Variants in MAGI2 observed in about 807,000 individuals in gnomAD.
The protein encoded by MAGI2 is membrane associated guanylate kinase, WW and PDZ domain containing 2.
Under a neutral mutation model 133.3 loss-of-function variants are expected in MAGI2, and 35 were observed. The ratio of observed to expected loss-of-function variants is 0.26; its 90% CI spans 0.20 to 0.35. MAGI2 has a LOEUF of 0.35. Among genes scored for constraint, MAGI2 ranks in the 10% least tolerant of loss-of-function variants. The probability of loss-of-function intolerance (pLI) is 1.00; values close to 1 mark genes in which losing one functional copy is unlikely to be tolerated. For missense variants in MAGI2, 1,636 were observed against 1,863.4 expected (o/e 0.88, Z 2.25); for synonymous variants, 729 against 710.6 (o/e 1.03, Z -0.41).
rs17151146 is a variant in MAGI2 at position 78,612,168 on chromosome 7, T to C, written c.538+14952A>G. On this transcript the variant is annotated intron_variant, in intron 3 of 21. Coordinates refer to ENST00000354212, the MANE Select transcript of MAGI2 (RefSeq NM_012301.4). ...AATAGAAGAGTTATAAACATTTACA[T>C]GAAACATGAAAAGCAAAAAAATGTT... Among the ~76,000 whole-genome samples, 428 of 152,242 alleles carry C rather than the reference T, an allele frequency of 2.8e-3. 14 individuals are homozygous for C. In the East Asian group the frequency reaches 0.077, roughly 27 times the overall value.
At chr7:78,796,857 T>A (rs1480751194) in intron 2 of MAGI2, among the ~76,000 whole-genome samples, 3 of 152,110 alleles carry the variant, frequency 2.0e-5, no homozygotes, top group Admixed American at 1.3e-4. Flanking sequence ...GTCACTGTGT[T>A]TAAGTAAAAT....
At chr7:78,387,761 T>C (rs1252576393) in intron 6 of MAGI2, among the ~76,000 whole-genome samples, 3 of 152,008 alleles carry the variant, frequency 2.0e-5, no homozygotes, top group African/African-American at 7.2e-5. Context: ...ACCCCATCTC[T>C]ATAAAAAATA....
intron 2 of MAGI2, among the ~76,000 whole-genome samples, chr7:79,002,314 A>G (rs1286565935): frequency 1.3e-5 from 2 of 151,152 alleles, no homozygotes; most frequent in African/African-American, 2.4e-5. Context: ...TTGTAGAGAT[A>G]GTGTTTTCTT....
chr7:78,605,402 A>T (rs899117459), intron 3 of MAGI2, among the ~76,000 whole-genome samples: 1 of 152,296 alleles, frequency 6.6e-6, no homozygotes, highest in Middle Eastern at 3.4e-3. Context: ...ATGACCTCTT[A>T]AAGAGAAATA....
intron 2 of MAGI2, among the ~76,000 whole-genome samples, chr7:78,630,075 C>T (rs1040404385): frequency 1.3e-5 from 2 of 152,044 alleles, no homozygotes. Context: ...AGCAGACCCT[C>T]ATCACCACCC....
chr7:78,606,594 T>G (rs77036579), intron 3 of MAGI2, among the ~76,000 whole-genome samples: 6,861 of 152,182 alleles, frequency 0.045, 215 homozygotes, highest in East Asian at 0.081. Flanking sequence ...GAAAATGCTA[T>G]TTGTGTATAT....
At chr7:79,343,471 T>A (rs1175825465) in intron 1 of MAGI2, 1 of 152,016 alleles carries the variant, frequency 6.6e-6, no homozygotes, top group African/African-American at 2.4e-5. Context: ...TGCATCTAAG[T>A]GGAGGAATAT....
At chr7:78,816,746 T>C (rs552193188) in intron 2 of MAGI2, among the ~76,000 whole-genome samples, 1 of 152,196 alleles carries the variant, frequency 6.6e-6, no homozygotes, top group East Asian at 1.9e-4. Context: ...AAAAAAAGAT[T>C]CCTTTCAAAA....
intron 21 of MAGI2, among the ~76,000 whole-genome samples, chr7:78,047,226 C>G (rs1011360189): frequency 6.6e-6 from 1 of 152,102 alleles, no homozygotes; most frequent in Admixed American, 6.5e-5. Context: ...TAAATTCTCC[C>G]TTGAAGGCAA....
Position 79,214,360 on chromosome 7 carries a change from CCTCTCTCTCTCTCTCT to C in MAGI2, c.302-207170_302-207155del, listed in dbSNP as rs71531163. On this transcript the variant is annotated intron_variant, in intron 1 of 21. Transcript: ENST00000354212. ...GGACATGTCATTTCTGCATTACGCA[CCTCTCTCTCTCTCTCT>C]CTCTCTCTCTCTCTCTCTCTCTCTC... 2.9e-3 allele frequency among the ~76,000 whole-genome samples: 79 copies of C among 27,552 alleles called. 1 individual carries two copies. Among genetic ancestry groups the C allele is most frequent in the Admixed American group, 7.5e-3 (12 of 1,610 alleles). The allele number at this position is 27,552 out of a possible 152,430, so 18.1% of individuals were successfully genotyped here. A position where few individuals can be genotyped will look rare whatever the true frequency, so the allele number is the denominator to read the frequency against.
chr7:78,043,631 C>T (rs138593731), intron 21 of MAGI2, among the ~76,000 whole-genome samples: 27 of 152,272 alleles, frequency 1.8e-4, no homozygotes, highest in South Asian at 8.3e-4. Context: ...TTGAATGAGT[C>T]GAGCGAGTCA....
At chr7:79,157,810 C>A (rs1823932635) in intron 1 of MAGI2, among the ~76,000 whole-genome samples, 1 of 145,070 alleles carries the variant, frequency 6.9e-6, no homozygotes, top group Non-Finnish European at 1.5e-5. Context: ...TCTACTGTTG[C>A]TTTTCTACTG....
chr7:79,387,902 A>G (rs977642815), intron 1 of MAGI2, among the ~76,000 whole-genome samples: 1 of 151,968 alleles, frequency 6.6e-6, no homozygotes, highest in Non-Finnish European at 1.5e-5. Context: ...ATTGATTTAA[A>G]CGACCTGATT....
intron 9 of MAGI2, among the ~76,000 whole-genome samples, chr7:78,321,568 T>A (rs960583139): frequency 2.0e-5 from 3 of 152,208 alleles, no homozygotes; most frequent in Admixed American, 2.0e-4. Flanking sequence ...GCTAGCCATA[T>A]GCAGGAAACT....
chr7:78,500,824 C>CACCCCTG (rs1794555244), intron 5 of MAGI2, among the ~76,000 whole-genome samples: 1 of 152,166 alleles, frequency 6.6e-6, no homozygotes, highest in African/African-American at 2.4e-5. Flanking sequence ...CGCAGTGGCT[C>CACCCCTG]ACCCCTGTAA....
intron 1 of MAGI2, among the ~76,000 whole-genome samples, chr7:79,296,659 G>A (rs1056297925): frequency 3.0e-4 from 46 of 152,258 alleles, no homozygotes; most frequent in African/African-American, 1.1e-3. Flanking sequence ...ATCCTGAAAA[G>A]GATATGTGGA....
chr7:78,607,058 A>T (rs1805891408), intron 3 of MAGI2, among the ~76,000 whole-genome samples: 1 of 152,176 alleles, frequency 6.6e-6, no homozygotes, highest in Non-Finnish European at 1.5e-5. Flanking sequence ...TTTAAACGTA[A>T]CTGTTACAAG....
chr7:78,564,612 T>A (rs1800742361), intron 3 of MAGI2, among the ~76,000 whole-genome samples: 1 of 152,206 alleles, frequency 6.6e-6, no homozygotes, highest in Middle Eastern at 3.4e-3. Flanking sequence ...AACTGTCGTC[T>A]CTTATATAAC....
At chr7:78,522,805 A>T (rs1033428018) in intron 3 of MAGI2, among the ~76,000 whole-genome samples, 1 of 152,212 alleles carries the variant, frequency 6.6e-6, no homozygotes, top group African/African-American at 2.4e-5. Context: ...AACCTATATC[A>T]GTGTTTTCAG....
Sources: gnomAD v4.1 joint callset for allele counts (sites outside exome capture counted in the v4.1 genomes callset) on GRCh38, gnomAD v4.1.1 for gene constraint, MANE v1.5 for transcripts, NCBI Gene and HGNC (gene_info 2026-07-23, HGNC 2026-07-21) for gene names.